Variants in THNSL1 observed in about 807,000 individuals in gnomAD.
THNSL1 encodes threonine synthase like 1.
In THNSL1, 48 loss-of-function variants were observed where a neutral mutation model predicts 50.4. That is an observed-to-expected ratio of 0.95 (90% CI 0.76 to 1.21). The LOEUF (loss-of-function observed/expected upper bound fraction) is 1.21, where lower values mean the gene tolerates loss of function less well. Among genes scored for constraint, THNSL1 ranks in the 50% most tolerant of loss-of-function variants. THNSL1 has a pLI of 0.00. For missense variants in THNSL1, 896 were observed against 871.7 expected, an observed-to-expected ratio of 1.03 and a Z score of -0.35; for synonymous variants, 309 against 306.1, an observed-to-expected ratio of 1.01 and a Z score of -0.10.
chr10:24,985,742 A>G, the THNSL1 span, among the ~76,000 whole-genome samples: 3 of 152,246 alleles, frequency 2.0e-5, no homozygotes, highest in African/African-American at 7.2e-5. Flanking sequence ...ATGAAATTTT[A>G]TAAGTCAACA....
the THNSL1 span, among the ~76,000 whole-genome samples, chr10:24,981,073 A>T: frequency 1.3e-5 from 2 of 152,232 alleles, no homozygotes; most frequent in African/African-American, 4.8e-5. Flanking sequence ...CAACTGGGAC[A>T]GAATGCACTG....
At chr10:24,974,167 AAAC>A in the THNSL1 span, among the ~76,000 whole-genome samples, 10 of 152,206 alleles carry the variant, frequency 6.6e-5, 1 homozygote, top group Admixed American at 6.5e-4. Flanking sequence ...GGCAGAAATC[AAAC>A]ACCATAAGAT....
intron 2 of THNSL1, among the ~76,000 whole-genome samples, chr10:25,022,616 G>A (rs1009533762): frequency 3.3e-5 from 5 of 152,114 alleles, no homozygotes; most frequent in African/African-American, 1.2e-4. Context: ...AAGCAAATAT[G>A]TTCTTTTATT....
intron 1 of THNSL1, 118 bp from the exon 2 acceptor site, chr10:25,021,624 C>T (rs1233008828): frequency 1.3e-5 from 2 of 152,068 alleles, no homozygotes; most frequent in African/African-American, 2.4e-5. Flanking sequence ...TGAAAAGGGT[C>T]AATTTTTCTG....
At chr10:25,013,538 A>T (rs571682397), upstream of THNSL1, among the ~76,000 whole-genome samples, 1 of 152,356 alleles carries the variant, frequency 6.6e-6, no homozygotes, top group East Asian at 1.9e-4. Context: ...GCCAAGAATT[A>T]TGGAAAGGAG....
chr10:25,020,826 G>A (rs1006215811), intron 1 of THNSL1, among the ~76,000 whole-genome samples: 2 of 151,952 alleles, frequency 1.3e-5, no homozygotes, highest in Non-Finnish European at 2.9e-5. Context: ...AGAAAGTTAT[G>A]TATTGCAAAC....
At chr10:24,984,195 G>A in the THNSL1 span, 9 of 642,796 alleles carry the variant, frequency 1.4e-5, no homozygotes, top group East Asian at 2.5e-4. Context: ...TACGAATACT[G>A]AAAATATTTC....
the THNSL1 span, among the ~76,000 whole-genome samples, chr10:25,004,423 A>G: frequency 1.3e-5 from 2 of 152,054 alleles, no homozygotes; most frequent in Non-Finnish European, 2.9e-5. Flanking sequence ...TTTTCTCCAC[A>G]ACCTCACCAG....
the THNSL1 span, among the ~76,000 whole-genome samples, chr10:24,989,781 A>G: frequency 6.6e-6 from 1 of 152,202 alleles, no homozygotes; most frequent in Non-Finnish European, 1.5e-5. Context: ...ATAAACAAAG[A>G]ATTAAGTATT....
the THNSL1 span, among the ~76,000 whole-genome samples, chr10:24,962,934 T>G: frequency 6.6e-6 from 1 of 152,168 alleles, no homozygotes. Flanking sequence ...TGAGAACTTT[T>G]CAACACACTT....
At chr10:24,962,108 C>T in the THNSL1 span, among the ~76,000 whole-genome samples, 1 of 152,140 alleles carries the variant, frequency 6.6e-6, no homozygotes, top group East Asian at 1.9e-4. Flanking sequence ...GGTCAGTTAG[C>T]AGTTTTAAAA....
chr10:24,955,719 AG>A, the THNSL1 span, among the ~76,000 whole-genome samples: 3 of 152,178 alleles, frequency 2.0e-5, no homozygotes, highest in Non-Finnish European at 4.4e-5. Flanking sequence ...CCAAAGCAGG[AG>A]GCTCACTTGA....
At chr10:24,956,240 G>C in the THNSL1 span, among the ~76,000 whole-genome samples, 1 of 151,832 alleles carries the variant, frequency 6.6e-6, no homozygotes, top group East Asian at 1.9e-4. Flanking sequence ...CATCACCCAG[G>C]TAATAACCAT....
the THNSL1 span, among the ~76,000 whole-genome samples, chr10:24,981,130 C>T: frequency 3.3e-5 from 5 of 152,290 alleles, no homozygotes; most frequent in Admixed American, 1.3e-4. Context: ...ATTTAAAAAT[C>T]GATGTCCAGG....
At chr10:25,001,933 G>A in the THNSL1 span, among the ~76,000 whole-genome samples, 1 of 152,076 alleles carries the variant, frequency 6.6e-6, no homozygotes, top group Non-Finnish European at 1.5e-5. Flanking sequence ...GCCAAACATT[G>A]TGAATTTTAC....
the THNSL1 span, chr10:24,984,599 T>G: frequency 6.6e-6 from 7 of 1,062,688 alleles, no homozygotes; most frequent in Non-Finnish European, 9.2e-6. Flanking sequence ...TCTTTGCATA[T>G]TGCCTAAGCA....
At chr10:25,021,930 C>T (rs1850726485) in intron 2 of THNSL1, 22 bp downstream of exon 2, 1 of 151,986 alleles carries the variant, frequency 6.6e-6, no homozygotes, top group Non-Finnish European at 1.5e-5. Flanking sequence ...TCAGAGTTAG[C>T]TTAAAATCAT....
the THNSL1 span, among the ~76,000 whole-genome samples, chr10:25,007,442 G>A: frequency 1.3e-5 from 2 of 151,914 alleles, no homozygotes; most frequent in Admixed American, 6.6e-5. Context: ...TTGTTTGTTT[G>A]TTTATTTATT....
the THNSL1 span, chr10:24,984,824 G>A: frequency 2.2e-5 from 35 of 1,613,328 alleles, no homozygotes; most frequent in Middle Eastern, 1.6e-4. Context: ...CTCTGCTTGC[G>A]GATCTTCTTT....
Sources: gnomAD v4.1 joint callset for allele counts (sites outside exome capture counted in the v4.1 genomes callset) on GRCh38, gnomAD v4.1.1 for gene constraint, MANE v1.5 for transcripts, NCBI Gene and HGNC (gene_info 2026-07-23, HGNC 2026-07-21) for gene names.